Variants in TSPAN15 observed in about 807,000 individuals in gnomAD.
TSPAN15 encodes tetraspanin 15, also known as tetraspanin-15.
A neutral mutation model predicts 34.5 loss-of-function variants in TSPAN15; 20 were observed. That is an observed-to-expected ratio of 0.58 (90% CI 0.41 to 0.84). TSPAN15 has a LOEUF of 0.84. Among genes scored for constraint, TSPAN15 ranks in the 40% least tolerant of loss-of-function variants. The probability of loss-of-function intolerance (pLI) is 0.00; values close to 1 mark genes in which losing one functional copy is unlikely to be tolerated. For synonymous variants in TSPAN15, 155 were observed against 153.9 expected, an observed-to-expected ratio of 1.01 and a Z score of -0.05; for missense variants, 313 against 386.1, an observed-to-expected ratio of 0.81 and a Z score of 1.59.
chr10:69,546,930 G>T, the TSPAN15 span, among the ~76,000 whole-genome samples: 1 of 151,358 alleles, frequency 6.6e-6, no homozygotes, highest in Non-Finnish European at 1.5e-5. Flanking sequence ...GATCACATGA[G>T]GTCAGGAGTT....
chr10:69,526,351 G>T, the TSPAN15 span, among the ~76,000 whole-genome samples: 1 of 148,226 alleles, frequency 6.7e-6, no homozygotes, highest in Admixed American at 7.0e-5. Flanking sequence ...ATAATAAAAA[G>T]ACAACTCAAT....
In TSPAN15 at chr10:69,488,797, G is replaced by A. The variant is rs539591865; in HGVS notation, c.357+3582G>A. The stretch of plus-strand genomic sequence containing the variant: ...GAAAACAAAGATCACATGCTTCTAA[G>A]GGAAAAATCAGAAACTCCTCATAAG... On this transcript the variant is annotated intron_variant, in intron 3 of 7. Coordinates refer to ENST00000373290, the MANE Select transcript of TSPAN15 (RefSeq NM_012339.5). 1.4e-3 allele frequency among the ~76,000 whole-genome samples: 217 copies of A among 152,248 alleles called. 2 individuals are homozygous for A. In the Middle Eastern group the frequency reaches 0.061, roughly 43 times the overall value.
intron 6 of TSPAN15, among the ~76,000 whole-genome samples, chr10:69,505,302 T>G (rs1424412239): frequency 1.3e-5 from 2 of 152,148 alleles, no homozygotes; most frequent in African/African-American, 4.8e-5. Context: ...GCTTAGGCAG[T>G]GGGGGGTGCA....
chr10:69,530,812 CTCTCTCTCTATATA>C, the TSPAN15 span, among the ~76,000 whole-genome samples: 235 of 66,554 alleles, frequency 3.5e-3, 2 homozygotes, highest in Admixed American at 5.1e-3. Flanking sequence ...CTCTCTCTCT[CTCTCTCTCTATATA>C]TATATATATA....
intron 1 of TSPAN15, among the ~76,000 whole-genome samples, chr10:69,476,563 T>C (rs1841617854): frequency 7.6e-6 from 1 of 130,888 alleles, no homozygotes; most frequent in Non-Finnish European, 1.6e-5. Context: ...TCTCAAAGGG[T>C]CTCAAAAAAA....
the TSPAN15 span, among the ~76,000 whole-genome samples, chr10:69,521,514 G>A: frequency 6.8e-6 from 1 of 147,926 alleles, no homozygotes; most frequent in Non-Finnish European, 1.5e-5. Context: ...AGGCGTGGTT[G>A]CAGTGAGCCA....
At chr10:69,548,226 T>C in the TSPAN15 span, among the ~76,000 whole-genome samples, 1 of 152,174 alleles carries the variant, frequency 6.6e-6, no homozygotes, top group Admixed American at 6.5e-5. Flanking sequence ...AGACTACTGA[T>C]CCTTGATTCT....
chr10:69,523,260 A>G, the TSPAN15 span: 1 of 331,980 alleles, frequency 3.0e-6, no homozygotes, highest in Non-Finnish European at 5.6e-6. Flanking sequence ...TTCTGCTCCA[A>G]CTCTCAAAAA....
the TSPAN15 span, among the ~76,000 whole-genome samples, chr10:69,544,685 T>A: frequency 2.9e-4 from 44 of 152,200 alleles, no homozygotes; most frequent in African/African-American, 9.9e-4. Flanking sequence ...GAGTACTGGA[T>A]AGACCTACTT....
chr10:69,508,038 CCCCTGCTGG>C (rs1842373017), downstream of TSPAN15, among the ~76,000 whole-genome samples: 1 of 152,136 alleles, frequency 6.6e-6, no homozygotes, highest in African/African-American at 2.4e-5. Context: ...TGTCGGTCGA[CCCCTGCTGG>C]AGATGCCGGG....
At chr10:69,455,625 T>TCTCTCCC (rs1554830569) in intron 1 of TSPAN15, among the ~76,000 whole-genome samples, 8 of 82,892 alleles carry the variant, frequency 9.7e-5, no homozygotes, top group African/African-American at 3.0e-4. Context: ...TCTCTCTCTC[T>TCTCTCCC]CCCCCCCCCG....
rs566906632 is a variant in TSPAN15, at chr10:69,506,994, G to A, written c.*16G>A. 51 of 1,605,946 alleles carry A rather than the reference G, an allele frequency of 3.2e-5. No individual in the cohort carries two copies. The East Asian group carries it at 1.1e-3, about 35-fold the overall frequency. ...CCCCAATTAGGGCCCAGCCTGCCAT[G>A]GCAGCTCCAACAAGGACCGTCTGGG... On this transcript the variant is annotated 3_prime_UTR_variant, in exon 8 of 8. Coordinates refer to ENST00000373290, the MANE Select transcript of TSPAN15 (RefSeq NM_012339.5). This position sits in a 1 kb window ranked among gnomAD's most constrained non-coding sequence, Gnocchi z 4.7.
Position 69,507,656 on chromosome 10 carries a change from T to G in TSPAN15, c.*678T>G, listed in dbSNP as rs1665583. On this transcript the variant is annotated 3_prime_UTR_variant, in exon 8 of 8. Transcript: ENST00000373290. ...TAATCAAACAATAAAAACATGTTTT[T>G]TTTTTTTTTTTTTTTTTGCCTTTCC... 0.28 allele frequency: 318,069 copies of G among 1,132,926 alleles called. 12,439 individuals carry two copies. The highest frequency in any genetic ancestry group is 0.3 in the Admixed American group (8,630 of 28,818). The allele number at this position is 1,132,926 out of a possible 1,614,324, so 70.2% of individuals were successfully genotyped here.
At chr10:69,544,234 T>G in the TSPAN15 span, among the ~76,000 whole-genome samples, 3 of 152,216 alleles carry the variant, frequency 2.0e-5, no homozygotes, top group African/African-American at 7.2e-5. Flanking sequence ...TTTGAAACAT[T>G]TATTTAAAGT....
the TSPAN15 span, among the ~76,000 whole-genome samples, chr10:69,525,070 C>T: frequency 6.1e-5 from 9 of 147,638 alleles, 1 homozygote; most frequent in Admixed American, 2.1e-4. Context: ...TGTGAGCCAC[C>T]GTGCCTGGCC....
intron 1 of TSPAN15, among the ~76,000 whole-genome samples, chr10:69,459,618 G>A (rs1841198989): frequency 6.6e-6 from 1 of 152,176 alleles, no homozygotes; most frequent in Admixed American, 6.5e-5. Flanking sequence ...AGGAAGCCCG[G>A]GAAGGGCTGC....
the TSPAN15 span, among the ~76,000 whole-genome samples, chr10:69,538,808 T>G: frequency 6.6e-6 from 1 of 152,246 alleles, no homozygotes; most frequent in Non-Finnish European, 1.5e-5. Flanking sequence ...CCAGCCTGTG[T>G]GTCCAAGCTC....
At chr10:69,534,940 A>G in the TSPAN15 span, among the ~76,000 whole-genome samples, 82 of 152,096 alleles carry the variant, frequency 5.4e-4, no homozygotes, top group African/African-American at 1.9e-3. Flanking sequence ...AGCTGTGTTC[A>G]TGCCAGTGCA....
chr10:69,538,327 C>A, the TSPAN15 span, among the ~76,000 whole-genome samples: 1 of 152,152 alleles, frequency 6.6e-6, no homozygotes, highest in East Asian at 1.9e-4. Context: ...GAGGTGAGGA[C>A]CCCTCCTCCC....
Sources: allele counts gnomAD v4.1 joint callset (sites outside exome capture counted in the v4.1 genomes callset), GRCh38; gene constraint gnomAD v4.1.1; non-coding constraint Gnocchi (gnomAD v3.1); transcripts MANE v1.5; gene names NCBI Gene and HGNC (gene_info 2026-07-23, HGNC 2026-07-21).